Variants in PDZD2 observed in about 807,000 individuals in gnomAD.
The protein encoded by PDZD2 is PDZ domain containing 2.
A neutral mutation model predicts 220.7 loss-of-function variants in PDZD2; 90 were observed. The ratio of observed to expected loss-of-function variants is 0.41; its 90% CI spans 0.34 to 0.49. The LOEUF (loss-of-function observed/expected upper bound fraction) is 0.49, where lower values mean the gene tolerates loss of function less well. Ranked by LOEUF, PDZD2 falls within the 20% of genes least tolerant of loss-of-function variation. PDZD2 has a pLI of 0.28. For synonymous variants in PDZD2, 1,375 were observed against 1,450.5 expected (o/e 0.95, Z 1.18); for missense variants, 3,174 against 3,608.5 (o/e 0.88, Z 3.08).
chr5:31,685,485 C>T (rs1004808961), intron 1 of PDZD2, among the ~76,000 whole-genome samples: 3 of 152,144 alleles, frequency 2.0e-5, no homozygotes, highest in African/African-American at 7.2e-5. Context: ...GCCCATGCTG[C>T]CTCGTCCGCA....
chr5:31,960,372 T>TGGG (rs1748107793), intron 2 of PDZD2, among the ~76,000 whole-genome samples: 1 of 151,956 alleles, frequency 6.6e-6, no homozygotes, highest in African/African-American at 2.4e-5. Flanking sequence ...ATTACACCAC[T>TGGG]ACACCACGCC....
chr5:31,754,316 T>C (rs1352044164), intron 1 of PDZD2: 1 of 152,188 alleles, frequency 6.6e-6, no homozygotes, highest in Non-Finnish European at 1.5e-5. Context: ...TGCCCCCCTG[T>C]AGCCATGGGC....
At chr5:31,736,035 G>A (rs898052355) in intron 1 of PDZD2, among the ~76,000 whole-genome samples, 1 of 152,100 alleles carries the variant, frequency 6.6e-6, no homozygotes, top group Admixed American at 6.6e-5. Context: ...CTGTTAAGGT[G>A]GTCCTATCTG....
At chr5:31,744,496 C>T (rs1382016299) in intron 1 of PDZD2, 1 of 151,638 alleles carries the variant, frequency 6.6e-6, no homozygotes, top group South Asian at 2.1e-4. Context: ...TTTAAAGTGC[C>T]TTTTGATATT....
intron 5 of PDZD2, among the ~76,000 whole-genome samples, chr5:32,008,029 C>T (rs905860746): frequency 6.6e-6 from 1 of 152,102 alleles, no homozygotes; most frequent in Non-Finnish European, 1.5e-5. Flanking sequence ...GTCCCTCATG[C>T]CTGTAATCCC....
chr5:31,707,164 G>C, intron 1 of PDZD2, among the ~76,000 whole-genome samples: 1 of 101,496 alleles, frequency 9.9e-6, no homozygotes. Context: ...GGGGTGGGGG[G>C]AGGGGGGAGG....
chr5:31,766,732 ATT>A (rs35486584), intron 1 of PDZD2, among the ~76,000 whole-genome samples: 17 of 143,820 alleles, frequency 1.2e-4, no homozygotes, highest in South Asian at 4.5e-4. Flanking sequence ...CTTAAGCAGA[ATT>A]TTTTTTTTTT....
chr5:31,749,264 G>T (rs368670688), intron 1 of PDZD2, among the ~76,000 whole-genome samples: 2 of 152,116 alleles, frequency 1.3e-5, no homozygotes, highest in Non-Finnish European at 2.9e-5. Flanking sequence ...ACACAGCATA[G>T]GCCCACAGAT....
At chr5:31,989,112 G>A (rs1194503062) in intron 3 of PDZD2, among the ~76,000 whole-genome samples, 5 of 152,102 alleles carry the variant, frequency 3.3e-5, no homozygotes, top group African/African-American at 9.7e-5. Context: ...CATATATTAC[G>A]TAGTGATGAA....
chr5:31,822,533 T>C (rs1445337450), intron 2 of PDZD2: 2 of 678,266 alleles, frequency 2.9e-6, no homozygotes, highest in Non-Finnish European at 2.5e-6. Flanking sequence ...GCATCTTGTT[T>C]CTGTAGCTGG....
At chr5:31,985,117 C>A (rs199706615) in intron 3 of PDZD2, among the ~76,000 whole-genome samples, 79 of 143,184 alleles carry the variant, frequency 5.5e-4, no homozygotes, top group Non-Finnish European at 4.9e-4. Context: ...GGATTAAGGA[C>A]AAAAAAAAAA....
chr5:31,717,210 G>C (rs138371467), intron 1 of PDZD2, among the ~76,000 whole-genome samples: 107 of 152,250 alleles, frequency 7.0e-4, no homozygotes, highest in African/African-American at 2.5e-3. Flanking sequence ...TGCGAGTCTA[G>C]ACCCAGTGTG....
At chr5:31,679,000 T>C (rs1392311664) in intron 1 of PDZD2, among the ~76,000 whole-genome samples, 3 of 152,198 alleles carry the variant, frequency 2.0e-5, no homozygotes, top group Non-Finnish European at 4.4e-5. Context: ...CTCAACTACT[T>C]TTTTTCTTTT....
At position 31,812,011 on chromosome 5, in the gene PDZD2, TA is replaced by T. The variant is rs1253371376; in HGVS notation, c.476+12290del. ...TCTCAAAAATAAATAAATAAATAAA[TA>T]AATAAATAAATAAATAAATAAATAA... On this transcript the variant is annotated intron_variant, in intron 2 of 24. Coordinates refer to ENST00000438447, the MANE Select transcript of PDZD2 (RefSeq NM_178140.4). 7.4e-5 allele frequency among the ~76,000 whole-genome samples: 11 copies of T among 148,230 alleles called. No individual in the cohort carries two copies. In the East Asian group the frequency reaches 1.8e-3, roughly 24 times the overall value.
intron 6 of PDZD2, among the ~76,000 whole-genome samples, chr5:32,018,387 G>T (rs1275607880): frequency 6.6e-6 from 1 of 152,222 alleles, no homozygotes; most frequent in Non-Finnish European, 1.5e-5. Flanking sequence ...GAGGTTTTAG[G>T]CCCCCAACTG....
At chr5:31,931,879 G>A (rs187422412) in intron 2 of PDZD2, among the ~76,000 whole-genome samples, 82 of 152,250 alleles carry the variant, frequency 5.4e-4, no homozygotes, top group African/African-American at 1.8e-3. Flanking sequence ...TGGATGGGAG[G>A]GGAGGGGTGG....
chr5:31,943,543 T>G (rs1241201102), intron 2 of PDZD2, among the ~76,000 whole-genome samples: 1 of 152,234 alleles, frequency 6.6e-6, no homozygotes, highest in African/African-American at 2.4e-5. Context: ...ACATTCGGAA[T>G]GTAATATTTC....
chr5:31,941,075 G>A (rs1746175821), intron 2 of PDZD2, among the ~76,000 whole-genome samples: 1 of 152,314 alleles, frequency 6.6e-6, no homozygotes, highest in East Asian at 1.9e-4. Flanking sequence ...AGTGGAGCTG[G>A]TCTTCATTTG....
At chr5:31,733,647 G>A (rs1022113464) in intron 1 of PDZD2, among the ~76,000 whole-genome samples, 10 of 152,168 alleles carry the variant, frequency 6.6e-5, no homozygotes, top group Non-Finnish European at 1.2e-4. Context: ...TCTGGTGGCC[G>A]TCTTTACTCC....
Sources: allele counts gnomAD v4.1 joint callset (sites outside exome capture counted in the v4.1 genomes callset), GRCh38; gene constraint gnomAD v4.1.1; transcripts MANE v1.5; gene names NCBI Gene and HGNC (gene_info 2026-07-23, HGNC 2026-07-21).